Variants in KLHL4 observed in about 807,000 individuals in gnomAD.
KLHL4 encodes the protein kelch-like protein 4.
KLHL4 carries 17 observed loss-of-function variants against 45.8 expected under a neutral mutation model. The observed-to-expected ratio is 0.37, with a 90% CI of 0.25 to 0.56. The LOEUF (loss-of-function observed/expected upper bound fraction) is 0.56. Ranked by LOEUF, KLHL4 falls within the 20% of genes least tolerant of loss-of-function variation. The pLI is 0.79. For synonymous variants in KLHL4, 224 were observed against 189.9 expected (o/e 1.18, Z -1.47); for missense variants, 544 against 544.9 (o/e 1.00, Z 0.02).
chrX:87,529,078 A>T (rs1345481778), intron 1 of KLHL4, among the ~76,000 whole-genome samples: 3 of 110,700 alleles, frequency 2.7e-5, no homozygotes, highest in African/African-American at 9.8e-5. Context: ...AAAAAAAACC[A>T]TTGTCTTTCA....
chrX:87,541,654 C>A, intron 1 of KLHL4, among the ~76,000 whole-genome samples: 1 of 111,065 alleles, frequency 9.0e-6, no homozygotes, highest in Non-Finnish European at 1.9e-5. Flanking sequence ...AATTAAATCT[C>A]TTTTGTTTAT....
intron 8 of KLHL4, among the ~76,000 whole-genome samples, chrX:87,635,235 C>T (rs142452127): frequency 1.9e-3 from 217 of 111,859 alleles, no homozygotes; most frequent in African/African-American, 6.7e-3. Context: ...AACTATCCTG[C>T]CAATCCCTTT....
chrX:87,658,548 C>CT (rs2147840802), intron 9 of KLHL4, among the ~76,000 whole-genome samples: 1 of 111,320 alleles, frequency 9.0e-6, no homozygotes, highest in Non-Finnish European at 1.9e-5. Flanking sequence ...GATTACCCAG[C>CT]TCCCCAGTGG....
intron 9 of KLHL4, among the ~76,000 whole-genome samples, chrX:87,657,420 C>G (rs1158938938): frequency 8.9e-6 from 1 of 111,779 alleles, no homozygotes; most frequent in Non-Finnish European, 1.9e-5. Flanking sequence ...GATGTAGGCG[C>G]TGTATAATTT....
At chrX:87,529,399 C>T (rs1005245406) in intron 1 of KLHL4, among the ~76,000 whole-genome samples, 45 of 111,301 alleles carry the variant, frequency 4.0e-4, no homozygotes, top group African/African-American at 1.3e-3. Flanking sequence ...GGATTAGTGG[C>T]TAAGTAATAC....
Position 87,653,536 on chromosome X carries a change from TAA to T in KLHL4, c.1926-11225_1926-11224del, listed in dbSNP as rs1923889380. Among the ~76,000 whole-genome samples, 3 of 111,885 alleles carry T rather than the reference TAA, an allele frequency of 2.7e-5. No homozygotes were observed. The South Asian group carries it at 1.1e-3, about 42-fold the overall frequency. ...TGCTTTTACACTGTTGGTGGGAATG[TAA>T]AATTAGTTCAGCCATTGTAGAAGAC... On this transcript the variant is annotated intron_variant, in intron 9 of 10. Coordinates refer to ENST00000373119, the MANE Select transcript of KLHL4 (RefSeq NM_019117.5).
intron 1 of KLHL4, among the ~76,000 whole-genome samples, chrX:87,526,418 A>G (rs1457524651): frequency 1.8e-5 from 2 of 112,155 alleles, no homozygotes; most frequent in East Asian, 5.6e-4. Flanking sequence ...GGCTTATGGC[A>G]TAGTTGGAGA....
rs775116221 is a variant in KLHL4, at chrX:87,622,350, A to G, written c.1064A>G (p.His355Arg). ...CATGCTCTAATGCAGTGGGTGGGGC[A>G]TGATGTGCAGAATAGGCAAGGAGAA... ...IFHALMQWVG[H>R]DVQNRQGELG... Residue 355 changes from histidine to arginine, a missense_variant, in exon 5 of 11, where the codon CAT becomes CGT. Transcript: ENST00000373119. The G allele has an allele frequency of 6.6e-6, 8 of 1,210,304 alleles. No individual in the cohort carries two copies. In the Admixed American group the frequency reaches 1.1e-4, roughly 16 times the overall value.
intron 9 of KLHL4, among the ~76,000 whole-genome samples, chrX:87,640,876 A>G (rs920773296): frequency 8.9e-6 from 1 of 111,982 alleles, no homozygotes; most frequent in Non-Finnish European, 1.9e-5. Flanking sequence ...AGGGCATCCA[A>G]ATTGGTAATA....
In KLHL4 at chrX:87,520,714, A is replaced by G. The variant is rs184917705; in HGVS notation, c.422+2399A>G. On this transcript the variant is annotated intron_variant, in intron 1 of 10. Coordinates refer to ENST00000373119, the MANE Select transcript of KLHL4 (RefSeq NM_019117.5). ...GCTGGTCATCAGAGACCTGTGCTCA[A>G]TTATCATTTTACTTTTGTCCTAGTT... Among the ~76,000 whole-genome samples the G allele has an allele frequency of 2.7e-5, 3 of 112,189 alleles. No homozygotes were observed. The East Asian group carries it at 8.4e-4, about 32-fold the overall frequency.
chrX:87,543,844 G>C (rs187674955), intron 1 of KLHL4, among the ~76,000 whole-genome samples: 20 of 111,415 alleles, frequency 1.8e-4, no homozygotes, highest in African/African-American at 6.5e-4. Flanking sequence ...TGGACTGTGA[G>C]GTATATGCCC....
intron 1 of KLHL4, among the ~76,000 whole-genome samples, chrX:87,530,942 G>A (rs1304816809): frequency 9.0e-6 from 1 of 110,759 alleles, no homozygotes; most frequent in Non-Finnish European, 1.9e-5. Flanking sequence ...GTTGTTTCCT[G>A]ACTTTTTAAT....
chrX:87,586,128 C>T (rs1402673327), intron 1 of KLHL4, among the ~76,000 whole-genome samples: 1 of 111,160 alleles, frequency 9.0e-6, no homozygotes, highest in African/African-American at 3.3e-5. Flanking sequence ...ATACATAAAA[C>T]AAATATTGTT....
chrX:87,570,374 G>A (rs1932309826), intron 1 of KLHL4, among the ~76,000 whole-genome samples: 1 of 110,851 alleles, frequency 9.0e-6, no homozygotes. Context: ...GCTCAATGAG[G>A]ATTATAGAAA....
intron 1 of KLHL4, among the ~76,000 whole-genome samples, chrX:87,527,023 A>T (rs1333429433): frequency 2.7e-5 from 3 of 112,333 alleles, no homozygotes; most frequent in African/African-American, 9.7e-5. Flanking sequence ...AGTGAAAACT[A>T]TAAAACTATG....
intron 1 of KLHL4, among the ~76,000 whole-genome samples, chrX:87,559,882 A>G (rs143268695): frequency 0.063 from 7,053 of 111,398 alleles, 228 homozygotes; most frequent in Non-Finnish European, 0.1. Flanking sequence ...ACAGTAGTAT[A>G]ATAATACTAT....
chrX:87,542,335 G>A (rs1000652638), intron 1 of KLHL4, among the ~76,000 whole-genome samples: 11 of 111,752 alleles, frequency 9.8e-5, no homozygotes, highest in Non-Finnish European at 1.9e-4. Context: ...AAGACAATGA[G>A]GAAAATGACT....
intron 1 of KLHL4, among the ~76,000 whole-genome samples, chrX:87,549,527 A>T (rs968280884): frequency 9.8e-5 from 11 of 111,742 alleles, no homozygotes; most frequent in Non-Finnish European, 1.5e-4. Flanking sequence ...TTAGGTCACA[A>T]AATAAGTCTT....
chrX:87,640,741 C>G (rs957315359), intron 9 of KLHL4, among the ~76,000 whole-genome samples: 3 of 111,350 alleles, frequency 2.7e-5, no homozygotes, highest in Non-Finnish European at 5.7e-5. Flanking sequence ...TAATACTGAA[C>G]AGGGAAAAGT....
Sources: allele counts gnomAD v4.1 joint callset (sites outside exome capture counted in the v4.1 genomes callset), GRCh38; gene constraint gnomAD v4.1.1; transcripts MANE v1.5; gene names NCBI Gene and HGNC (gene_info 2026-07-23, HGNC 2026-07-21).